Variants in DSCAML1 observed in about 807,000 individuals in gnomAD.
The protein encoded by DSCAML1 is DS cell adhesion molecule like 1, also known as cell adhesion molecule DSCAML1.
In DSCAML1, 38 loss-of-function variants were observed where a neutral mutation model predicts 200.5. That is an observed-to-expected ratio of 0.19 (90% confidence interval 0.15 to 0.25). DSCAML1 has a LOEUF of 0.25. Ranked by LOEUF, DSCAML1 falls within the 10% of genes least tolerant of loss-of-function variation. DSCAML1 has a pLI of 1.00. For synonymous variants in DSCAML1, 1,215 were observed against 1,165.0 expected, an observed-to-expected ratio of 1.04 and a Z score of -0.87; for missense variants, 2,223 against 2,858.8, an observed-to-expected ratio of 0.78 and a Z score of 5.07.
chr11:117,474,679 T>A (rs1265138159), intron 14 of DSCAML1, among the ~76,000 whole-genome samples: 1 of 152,134 alleles, frequency 6.6e-6, no homozygotes, highest in African/African-American at 2.4e-5. Flanking sequence ...ACCACCATTA[T>A]CAATTTCTTG....
chr11:117,765,992 TG>T (rs1397664238), intron 3 of DSCAML1, among the ~76,000 whole-genome samples: 2 of 152,230 alleles, frequency 1.3e-5, no homozygotes, highest in African/African-American at 4.8e-5. Context: ...CAACCGCACC[TG>T]CCCCTTCATT....
intron 1 of DSCAML1, among the ~76,000 whole-genome samples, chr11:117,803,585 C>G (rs1231446104): frequency 1.3e-5 from 2 of 151,956 alleles, no homozygotes; most frequent in Non-Finnish European, 2.9e-5. Flanking sequence ...CTTAGTGAGG[C>G]CTAAGCTTCC....
intron 3 of DSCAML1, among the ~76,000 whole-genome samples, chr11:117,754,282 C>A (rs2054650438): frequency 6.6e-6 from 1 of 152,200 alleles, no homozygotes; most frequent in Non-Finnish European, 1.5e-5. Flanking sequence ...TTCATTAAAT[C>A]CGACACCAGG....
At chr11:117,789,783 A>G (rs1386370270) in intron 1 of DSCAML1, among the ~76,000 whole-genome samples, 1 of 152,138 alleles carries the variant, frequency 6.6e-6, no homozygotes, top group Non-Finnish European at 1.5e-5. Context: ...CAGTGAGTAG[A>G]AGGTCCAAGA....
Position 117,516,957 on chromosome 11 carries a change from T to C in DSCAML1, c.1511-218A>G, listed in dbSNP as rs573082144. On this transcript the variant is annotated intron_variant, in intron 7 of 32. Transcript: ENST00000651296. This position sits in a 1 kb window ranked among gnomAD's most constrained non-coding sequence, Gnocchi z 5.7. ...CCACAGTCTCTCCAGGACTCACTGT[T>C]ACTAGCTTCAAAGAGTTGCAAACGG... 2.3e-4 allele frequency among the ~76,000 whole-genome samples: 35 copies of C among 152,196 alleles called. No individual in the cohort carries two copies. The highest frequency in any genetic ancestry group is 4.0e-4 in the Non-Finnish European group (27 of 68,040).
At chr11:117,575,054 G>A (rs894890837) in intron 3 of DSCAML1, among the ~76,000 whole-genome samples, 4 of 152,158 alleles carry the variant, frequency 2.6e-5, no homozygotes, top group African/African-American at 9.7e-5. Context: ...AACTGGGCAT[G>A]GTCATAGGCG....
In DSCAML1 at chr11:117,489,225, C is replaced by A. The variant is rs1033538023; in HGVS notation, c.2360-7063G>T. Among the ~76,000 whole-genome samples, 5 of 152,240 alleles carry A rather than the reference C, an allele frequency of 3.3e-5. No individual in the cohort carries two copies. Among genetic ancestry groups the A allele is most frequent in the African/African-American group, 1.2e-4 (5 of 41,504 alleles). ...GGCCTCTGCGGCGGGGCAGCTGCAGCAGGTACTCCTGGGGCAGGCAGTGGG... is the reference window on the plus strand; with the variant it reads ...GGCCTCTGCGGCGGGGCAGCTGCAGAAGGTACTCCTGGGGCAGGCAGTGGG... On this transcript the variant is annotated intron_variant, in intron 11 of 32. Transcript: ENST00000651296. The surrounding 1 kb of genome is among the most constrained non-coding windows in gnomAD (Gnocchi z 4.8).
intron 11 of DSCAML1, 54 bp from the exon 12 acceptor site, chr11:117,482,216 G>A: frequency 6.3e-7 from 1 of 1,599,674 alleles, no homozygotes; most frequent in Non-Finnish European, 8.5e-7. Context: ...CAGCCTGGAG[G>A]AGGCACGCGT....
intron 3 of DSCAML1, among the ~76,000 whole-genome samples, chr11:117,596,531 AG>A (rs1473518348): frequency 6.6e-6 from 1 of 152,192 alleles, no homozygotes; most frequent in Non-Finnish European, 1.5e-5. Flanking sequence ...TCAACCAGAG[AG>A]GACATTTTGG....
chr11:117,649,849 T>C (rs540143433), intron 3 of DSCAML1, among the ~76,000 whole-genome samples: 2 of 152,332 alleles, frequency 1.3e-5, no homozygotes, highest in East Asian at 3.9e-4. Context: ...GCTCCTTCCG[T>C]GCCTCCGCCC....
At chr11:117,545,129 C>T (rs2050346685) in intron 3 of DSCAML1, among the ~76,000 whole-genome samples, 1 of 151,976 alleles carries the variant, frequency 6.6e-6, no homozygotes, top group Non-Finnish European at 1.5e-5. Context: ...ACTCGGGAGG[C>T]CGAGGCAGGA....
At chr11:117,490,487 A>G (rs1329618295) in intron 11 of DSCAML1, among the ~76,000 whole-genome samples, 1 of 152,104 alleles carries the variant, frequency 6.6e-6, no homozygotes, top group Non-Finnish European at 1.5e-5. Context: ...CTCTGCTCCT[A>G]CTTGGCCCCT....
chr11:117,658,355 C>A (rs147218751), intron 3 of DSCAML1, among the ~76,000 whole-genome samples: 1,911 of 152,248 alleles, frequency 0.013, 41 homozygotes, highest in African/African-American at 0.044. Flanking sequence ...TGTGAGGAGA[C>A]TTTCCTGATC....
chr11:117,651,160 C>T (rs2052624415), intron 3 of DSCAML1, among the ~76,000 whole-genome samples: 2 of 152,256 alleles, frequency 1.3e-5, no homozygotes, highest in African/African-American at 2.4e-5. Flanking sequence ...GCTCTTACAG[C>T]CTGAAACAGC....
At chr11:117,563,179 G>C (rs1005725527) in intron 3 of DSCAML1, among the ~76,000 whole-genome samples, 1 of 152,136 alleles carries the variant, frequency 6.6e-6, no homozygotes, top group African/African-American at 2.4e-5. Context: ...CTGACTCTGG[G>C]GCAGGTTGTC....
chr11:117,532,340 C>T, intron 4 of DSCAML1, 36 bp downstream of exon 4: 1 of 1,596,244 alleles, frequency 6.3e-7, no homozygotes, highest in Non-Finnish European at 8.5e-7. Context: ...CCTCCCTTCC[C>T]AGCCTGCCCC....
chr11:117,812,880 C>T (rs1327986880), intron 1 of DSCAML1, among the ~76,000 whole-genome samples: 2 of 151,614 alleles, frequency 1.3e-5, no homozygotes, highest in African/African-American at 4.8e-5. Context: ...ACAACTTGAC[C>T]TTACTGTTTT....
rs200945385 is a variant in DSCAML1, at chr11:117,437,193, C to T, written c.4649G>A (p.Arg1550His). 1.0e-4 allele frequency: 168 copies of T among 1,614,220 alleles called. No homozygotes were observed. The Middle Eastern group carries it at 1.8e-3, about 17-fold the overall frequency. Reference protein sequence around the residue: ...ELREATWYELRMRACNSAGCG... With the variant: ...ELREATWYELHMRACNSAGCG... ...GCCCGCACTGTTGCAAGCCCTCATG[C>T]GCAGCTCGTACCACGTGGCCTCTCG... The change falls in exon 26 of 33, where the codon CGC becomes CAC. Residue 1550 changes from arginine to histidine, a missense_variant. Around this residue, in one of 7 missense-constraint regions of DSCAML1, gnomAD observed 614 missense variants for 739.1 expected, o/e 0.83. Transcript: ENST00000651296. This position sits in a 1 kb window ranked among gnomAD's most constrained non-coding sequence, Gnocchi z 5.3.
intron 30 of DSCAML1, among the ~76,000 whole-genome samples, 193 bp from the exon 31 acceptor site, chr11:117,431,921 G>T (rs2368156): frequency 2.6e-5 from 4 of 152,088 alleles, no homozygotes; most frequent in Non-Finnish European, 1.5e-5. Context: ...TCAAGGTTGG[G>T]GAGGGGGCAG....
Sources: allele counts gnomAD v4.1 joint callset (sites outside exome capture counted in the v4.1 genomes callset), GRCh38; gene constraint gnomAD v4.1.1; regional missense constraint gnomAD v4.1.1; non-coding constraint Gnocchi (gnomAD v3.1); transcripts MANE v1.5; gene names NCBI Gene and HGNC (gene_info 2026-07-23, HGNC 2026-07-21).